Variants in NBEA observed in about 807,000 individuals in gnomAD.
NBEA encodes the protein neurobeachin.
NBEA carries 44 observed loss-of-function variants against 343.4 expected under a neutral mutation model. The ratio of observed to expected loss-of-function variants is 0.13; its 90% CI spans 0.10 to 0.16. The LOEUF (loss-of-function observed/expected upper bound fraction) is 0.16. Ranked by LOEUF, NBEA falls within the 10% of genes least tolerant of loss-of-function variation. The pLI is 1.00. For missense variants in NBEA, 2,555 were observed against 3,631.3 expected (o/e 0.70, Z 7.62); for synonymous variants, 1,175 against 1,238.7 (o/e 0.95, Z 1.08).
chr13:35,511,909 A>G (rs770416848), intron 41 of NBEA, among the ~76,000 whole-genome samples: 10 of 152,170 alleles, frequency 6.6e-5, no homozygotes, highest in Non-Finnish European at 1.2e-4. Context: ...ATGGTTGGAA[A>G]TTGTATTATC....
chr13:35,169,306 A>T (rs921126833), intron 25 of NBEA, among the ~76,000 whole-genome samples: 17 of 151,572 alleles, frequency 1.1e-4, no homozygotes, highest in Admixed American at 9.9e-4. Context: ...TTATTTTAAG[A>T]TTTAATAATT....
intron 45 of NBEA, among the ~76,000 whole-genome samples, chr13:35,573,065 T>A (rs2080520651): frequency 6.6e-6 from 1 of 152,142 alleles, no homozygotes; most frequent in Non-Finnish European, 1.5e-5. Context: ...GCTGCCAAAT[T>A]TGAAATAACT....
chr13:35,182,243 A>T, intron 28 of NBEA, 117 bp from the exon 29 acceptor site: 1 of 557,934 alleles, frequency 1.8e-6, no homozygotes, highest in African/African-American at 2.0e-5. Flanking sequence ...AGGTTTTCAT[A>T]AAAGTTACAT....
intron 1 of NBEA, among the ~76,000 whole-genome samples, chr13:35,025,880 C>G (rs1172223066): frequency 6.6e-6 from 1 of 152,092 alleles, no homozygotes; most frequent in Non-Finnish European, 1.5e-5. Context: ...GTTTTACATA[C>G]TACTGACATG....
intron 1 of NBEA, among the ~76,000 whole-genome samples, chr13:34,958,258 T>G (rs1001401265): frequency 2.0e-5 from 3 of 152,174 alleles, no homozygotes; most frequent in African/African-American, 7.2e-5. Context: ...TTGTTAGGTC[T>G]TATATTGGAG....
intron 35 of NBEA, among the ~76,000 whole-genome samples, chr13:35,302,816 T>C (rs540706119): frequency 6.6e-6 from 1 of 152,272 alleles, no homozygotes; most frequent in African/African-American, 2.4e-5. Flanking sequence ...GGCCCTAGTG[T>C]CATCACAGAT....
chr13:35,163,720 A>G (rs2069762060), intron 23 of NBEA, among the ~76,000 whole-genome samples: 1 of 152,034 alleles, frequency 6.6e-6, no homozygotes, highest in African/African-American at 2.4e-5. Context: ...TGTACTACCA[A>G]CTTACTTTGA....
chr13:35,198,190 G>A (rs973982397), intron 31 of NBEA, among the ~76,000 whole-genome samples: 12 of 151,946 alleles, frequency 7.9e-5, no homozygotes, highest in Admixed American at 7.9e-4. Context: ...TCACATATTT[G>A]GTTTATGTTT....
chr13:35,174,796 A>ATTT (rs1218459341), intron 27 of NBEA, among the ~76,000 whole-genome samples: 1 of 143,510 alleles, frequency 7.0e-6, no homozygotes, highest in African/African-American at 2.6e-5. Context: ...CTTCAGAGTA[A>ATTT]TTTTTTTTTT....
At chr13:35,220,971 T>G (rs557400230) in intron 33 of NBEA, among the ~76,000 whole-genome samples, 1 of 152,288 alleles carries the variant, frequency 6.6e-6, no homozygotes, top group African/African-American at 2.4e-5. Context: ...ACTAATTATC[T>G]CTTTAGCTGT....
intron 10 of NBEA, among the ~76,000 whole-genome samples, chr13:35,086,064 T>C (rs557584721): frequency 1.3e-5 from 2 of 152,092 alleles, no homozygotes; most frequent in Admixed American, 1.3e-4. Flanking sequence ...AAACCACTGC[T>C]CAATGAAATA....
At chr13:35,117,298 T>A (rs1322174409) in intron 13 of NBEA, 116 bp from the exon 14 acceptor site, 3 of 367,216 alleles carry the variant, frequency 8.2e-6, no homozygotes, top group Non-Finnish European at 1.4e-5. Flanking sequence ...AATATAAATA[T>A]TGTAATTTTA....
chr13:34,952,868 G>C (rs1474903869), intron 1 of NBEA, among the ~76,000 whole-genome samples: 1 of 152,092 alleles, frequency 6.6e-6, no homozygotes, highest in African/African-American at 2.4e-5. Context: ...GGCATTTATA[G>C]ATTGGGTTTG....
intron 36 of NBEA, among the ~76,000 whole-genome samples, chr13:35,329,170 GAATA>G (rs1272725149): frequency 2.0e-5 from 3 of 151,908 alleles, no homozygotes; most frequent in Non-Finnish European, 4.4e-5. Context: ...GCTGTAATGG[GAATA>G]AATAGATTGT....
chr13:35,584,254 A>G (rs1251555662), intron 46 of NBEA, among the ~76,000 whole-genome samples: 4 of 151,930 alleles, frequency 2.6e-5, no homozygotes, highest in Non-Finnish European at 5.9e-5. Flanking sequence ...GTTGCTAGGT[A>G]TTATGAGCTT....
chr13:35,426,979 T>A (rs1293052749), intron 38 of NBEA, among the ~76,000 whole-genome samples: 1 of 152,210 alleles, frequency 6.6e-6, no homozygotes, highest in Non-Finnish European at 1.5e-5. Flanking sequence ...GGTTTTCAGC[T>A]CCATCAGGTC....
intron 38 of NBEA, among the ~76,000 whole-genome samples, chr13:35,404,146 CT>C (rs1208973717): frequency 6.6e-6 from 1 of 152,146 alleles, no homozygotes; most frequent in African/African-American, 2.4e-5. Flanking sequence ...CACTTTTACA[CT>C]GTTGGTGGGA....
chr13:34,975,954 A>G (rs2060159308), intron 1 of NBEA, among the ~76,000 whole-genome samples: 1 of 152,208 alleles, frequency 6.6e-6, no homozygotes, highest in African/African-American at 2.4e-5. Flanking sequence ...TGAAAAGGGA[A>G]CACTTTTACA....
chr13:35,432,227 ATTG>A, intron 38 of NBEA, 39 bp from the exon 39 acceptor site: 1 of 1,510,442 alleles, frequency 6.6e-7, no homozygotes, highest in Non-Finnish European at 9.0e-7. Flanking sequence ...CCAGCTATGC[ATTG>A]TTATTAATAG....
Sources: allele counts gnomAD v4.1 joint callset (sites outside exome capture counted in the v4.1 genomes callset), GRCh38; gene constraint gnomAD v4.1.1; transcripts MANE v1.5; gene names NCBI Gene and HGNC (gene_info 2026-07-23, HGNC 2026-07-21).